The following BPGM variants were observed in gnomAD, a reference collection of about 807,000 sequenced individuals.
BPGM encodes bisphosphoglycerate mutase.
BPGM carries 15 observed loss-of-function variants against 21.6 expected under a neutral mutation model. That is an observed-to-expected ratio of 0.70 (90% confidence interval 0.47 to 1.07). The LOEUF (loss-of-function observed/expected upper bound fraction) is 1.07, where lower values mean the gene tolerates loss of function less well. Ranked by LOEUF, BPGM falls within the 50% of genes least tolerant of loss-of-function variation. The pLI, the probability that BPGM is intolerant of heterozygous loss-of-function variation, is 0.00. For synonymous variants in BPGM, 113 were observed against 116.2 expected (o/e 0.97, Z 0.18); for missense variants, 273 against 319.0 (o/e 0.86, Z 1.10).
chr7:134,661,984 G>A lies in BPGM; in HGVS notation c.477G>A (p.Lys159=), dbSNP rs1261460436. ...LDQLPRSESL[K]DVLERLLPYW... ...AACTGCCACGGTCGGAAAGCTTAAA[G>A]GATGTTCTGGAGAGACTCCTTCCCT... The change falls in exon 2 of 3, where the codon AAG becomes AAA. Residue 159 remains lysine, a synonymous_variant. Coordinates refer to ENST00000344924, the MANE Select transcript of BPGM (RefSeq NM_001724.5). This position sits in a 1 kb window ranked among gnomAD's most constrained non-coding sequence, Gnocchi z 4.6. 1.2e-6 allele frequency: 2 copies of A among 1,614,172 alleles called. No homozygotes were observed. Among genetic ancestry groups the A allele is most frequent in the African/African-American group, 1.3e-5 (1 of 75,058 alleles).
chr7:134,658,578 G>T (rs995587691), intron 1 of BPGM: 4 of 152,232 alleles, frequency 2.6e-5, no homozygotes, highest in Non-Finnish European at 5.9e-5. Context: ...CTACAGCGTT[G>T]TGTGTTTCTT....
At chr7:134,665,662 A>AAAAAAAAAAAAAAGAAAAAAAAAAAAAAC (rs1795809216) in intron 2 of BPGM, among the ~76,000 whole-genome samples, 1 of 26,300 alleles carries the variant, frequency 3.8e-5, no homozygotes, top group Non-Finnish European at 5.9e-5. Context: ...AAAAAAAAAA[A>AAAAAAAAAAAAAAGAAAAAAAAAAAAAAC]AAAAAAAAAA....
chr7:134,673,240 A>ATTATTAACCAG (rs1795934038), intron 2 of BPGM, among the ~76,000 whole-genome samples: 1 of 152,176 alleles, frequency 6.6e-6, no homozygotes, highest in Non-Finnish European at 1.5e-5. Context: ...TCATTGACTG[A>ATTATTAACCAG]TTATTAACCA....
intron 2 of BPGM, among the ~76,000 whole-genome samples, chr7:134,669,544 G>C (rs183598205): frequency 6.6e-6 from 1 of 152,106 alleles, no homozygotes; most frequent in African/African-American, 2.4e-5. Flanking sequence ...GCAGATGAAT[G>C]GTACACTGAG....
chr7:134,665,235 A>G (rs1284837017), intron 2 of BPGM, among the ~76,000 whole-genome samples: 4 of 152,134 alleles, frequency 2.6e-5, no homozygotes, highest in Non-Finnish European at 5.9e-5. Context: ...AGTGTAGAAT[A>G]CTGGGGAAAA....
In BPGM at chr7:134,659,900, C is replaced by T. The variant is rs1211598798; in HGVS notation, c.-61-1547C>T. ...TCGAGTAGGGGAAATGACTGATATT[C>T]AGTAATTGTGCTGGGATACTTGGCT... On this transcript the variant is annotated intron_variant, in intron 1 of 2. Coordinates refer to ENST00000344924, the MANE Select transcript of BPGM (RefSeq NM_001724.5). Among the ~76,000 whole-genome samples the T allele has an allele frequency of 1.8e-4, 27 of 152,118 alleles. 1 individual carries two copies. Among genetic ancestry groups the T allele is most frequent in the Non-Finnish European group, 4.0e-4 (27 of 68,024 alleles).
chr7:134,648,377 TG>T (rs1406662327), intron 1 of BPGM, among the ~76,000 whole-genome samples: 1 of 152,064 alleles, frequency 6.6e-6, no homozygotes, highest in Non-Finnish European at 1.5e-5. Context: ...TCAGGTGATC[TG>T]CCTGCCTCGG....
intron 1 of BPGM, chr7:134,658,340 T>C (rs1173618199): frequency 6.6e-6 from 1 of 152,230 alleles, no homozygotes; most frequent in Non-Finnish European, 1.5e-5. Context: ...CTTCTTTTTG[T>C]TTTCCAGAAA....
chr7:134,652,989 C>A (rs73439967), intron 1 of BPGM, among the ~76,000 whole-genome samples: 1 of 152,034 alleles, frequency 6.6e-6, no homozygotes, highest in Non-Finnish European at 1.5e-5. Flanking sequence ...TGGATGTATA[C>A]CCAGTGGCGG....
At chr7:134,673,308 G>A (rs140731360) in intron 2 of BPGM, among the ~76,000 whole-genome samples, 1 of 152,282 alleles carries the variant, frequency 6.6e-6, no homozygotes, top group East Asian at 1.9e-4. Flanking sequence ...GGCTTGAGTA[G>A]TCATTAAAGT....
intron 1 of BPGM, among the ~76,000 whole-genome samples, chr7:134,653,850 A>G (rs961927616): frequency 3.3e-5 from 5 of 152,134 alleles, no homozygotes; most frequent in Non-Finnish European, 5.9e-5. Flanking sequence ...TTTTTTGCCT[A>G]TTAGGCAAAT....
intron 1 of BPGM, among the ~76,000 whole-genome samples, chr7:134,659,127 T>A (rs1469490859): frequency 1.3e-5 from 2 of 152,138 alleles, no homozygotes; most frequent in South Asian, 4.1e-4. Context: ...CTTCATTAGC[T>A]TATGGAGGTT....
At chr7:134,652,163 G>C (rs985722687) in intron 1 of BPGM, among the ~76,000 whole-genome samples, 3 of 152,086 alleles carry the variant, frequency 2.0e-5, no homozygotes, top group African/African-American at 7.2e-5. Flanking sequence ...TTGCCGTTCT[G>C]GCCAAGAATA....
chr7:134,660,791 T>C (rs3800695), intron 1 of BPGM: 20,383 of 152,650 alleles, frequency 0.13, 1,538 homozygotes, highest in Middle Eastern at 0.21. Flanking sequence ...GTACGTACCA[T>C]ATTTGGTGTT....
chr7:134,674,932 T>A (rs1795963404), intron 2 of BPGM, among the ~76,000 whole-genome samples: 1 of 152,240 alleles, frequency 6.6e-6, no homozygotes, highest in Non-Finnish European at 1.5e-5. Context: ...TTGTTTATAA[T>A]CTGACTTTTT....
At chr7:134,658,096 C>T (rs1334537838) in intron 1 of BPGM, among the ~76,000 whole-genome samples, 2 of 151,932 alleles carry the variant, frequency 1.3e-5, no homozygotes, top group South Asian at 2.1e-4. Flanking sequence ...TAAAAATACA[C>T]GTTTTCATTT....
chr7:134,656,250 G>T (rs1365307162), intron 1 of BPGM, among the ~76,000 whole-genome samples: 1 of 152,192 alleles, frequency 6.6e-6, no homozygotes, highest in Admixed American at 6.5e-5. Context: ...GCATGATCTA[G>T]TGCGGTAGCC....
intron 2 of BPGM, among the ~76,000 whole-genome samples, chr7:134,671,391 T>G (rs1330978039): frequency 6.7e-6 from 1 of 149,904 alleles, no homozygotes; most frequent in African/African-American, 2.5e-5. Context: ...AGATGGAGTC[T>G]CGCTCTGTTG....
rs145584376 is a variant in BPGM at position 134,661,367 on chromosome 7, A to T, written c.-61-80A>T. On this transcript the variant is annotated intron_variant, in intron 1 of 2. Coordinates refer to ENST00000344924, the MANE Select transcript of BPGM (RefSeq NM_001724.5). This position sits in a 1 kb window ranked among gnomAD's most constrained non-coding sequence, Gnocchi z 4.6. ...AAAGGGATTTCAGTTTCTTTTAGAAATTGGGTGTTGTAAAGCGATGTTTCT... is the reference window on the plus strand; with the variant it reads ...AAAGGGATTTCAGTTTCTTTTAGAATTTGGGTGTTGTAAAGCGATGTTTCT... 40 of 1,233,994 alleles carry T rather than the reference A, an allele frequency of 3.2e-5. No homozygotes were observed. In the East Asian group the frequency reaches 8.5e-4, roughly 26 times the overall value. 76.4% of individuals were successfully genotyped at this position (1,233,994 alleles called of 1,614,324 possible). A position where few individuals can be genotyped will look rare whatever the true frequency, so the allele number is the denominator to read the frequency against.
Sources: allele counts gnomAD v4.1 joint callset (sites outside exome capture counted in the v4.1 genomes callset), GRCh38; gene constraint gnomAD v4.1.1; non-coding constraint Gnocchi (gnomAD v3.1); transcripts MANE v1.5; gene names NCBI Gene and HGNC (gene_info 2026-07-23, HGNC 2026-07-21).